The following ACTN4 variants were observed in gnomAD, a reference collection of about 807,000 sequenced individuals.
ACTN4 encodes the protein actinin alpha 4.
In ACTN4, 18 loss-of-function variants were observed where a neutral mutation model predicts 114.2. The observed-to-expected ratio is 0.16, with a 90% CI of 0.11 to 0.23. ACTN4 has a LOEUF of 0.23. Among genes scored for constraint, ACTN4 ranks in the 10% least tolerant of loss-of-function variants. ACTN4 has a pLI of 1.00. For missense variants in ACTN4, 722 were observed against 1,262.9 expected (o/e 0.57, Z 6.49); for synonymous variants, 515 against 506.3 (o/e 1.02, Z -0.23).
chr19:38,661,854 G>A (rs1185188973), intron 1 of ACTN4, among the ~76,000 whole-genome samples: 2 of 152,112 alleles, frequency 1.3e-5, no homozygotes, highest in African/African-American at 4.8e-5. Context: ...GGGTTTCACC[G>A]TGTTAACCAG....
At chr19:38,671,301 A>G (rs1392226159) in intron 1 of ACTN4, among the ~76,000 whole-genome samples, 1 of 152,218 alleles carries the variant, frequency 6.6e-6, no homozygotes, top group African/African-American at 2.4e-5. Flanking sequence ...GAACCAAAAT[A>G]GTGGAAAGTT....
At position 38,673,517 on chromosome 19, in the gene ACTN4, T is replaced by TCATATATATTTATATATATGAA. The variant is rs1555826155; in HGVS notation, c.162+25610_162+25611insCATATATATTTATATATATGAA. ...TATATTTATATATATGAATATATAT[T>TCATATATATTTATATATATGAA]TATATATATTCATATATACTTATAT... On this transcript the variant is annotated intron_variant, in intron 1 of 20. Coordinates refer to ENST00000252699, the MANE Select transcript of ACTN4 (RefSeq NM_004924.6). 6.1e-4 allele frequency among the ~76,000 whole-genome samples: 49 copies of TCATATATATTTATATATATGAA among 80,362 alleles called. 1 individual carries two copies. Among genetic ancestry groups the TCATATATATTTATATATATGAA allele is most frequent in the Non-Finnish European group, 4.9e-4 (19 of 38,950 alleles). 52.7% of individuals were successfully genotyped at this position (80,362 alleles called of 152,430 possible).
intron 1 of ACTN4, among the ~76,000 whole-genome samples, chr19:38,660,253 C>T (rs1283803538): frequency 2.0e-5 from 3 of 152,124 alleles, no homozygotes; most frequent in Admixed American, 6.5e-5. Context: ...CTATCACAGG[C>T]TGGTGGGGGA....
chr19:38,725,788 A>T lies in ACTN4; in HGVS notation c.2075A>T (p.Gln692Leu), dbSNP rs949944891. Residue 692 changes from glutamine (Q) to leucine (L), a missense_variant, in exon 17 of 21, where the codon CAG (glutamine) becomes CTG (leucine). Gln to Leu is a moderately radical substitution (Grantham distance 113, BLOSUM62 -2). This residue lies in a region of ACTN4 where 523 missense variants were observed against 875.9 expected (regional missense o/e 0.60). Coordinates refer to ENST00000252699, the MANE Select transcript of ACTN4 (RefSeq NM_004924.6). Reference sequence around the variant, plus strand: ...GAGGACCAGCTGAGCCACCTGAAGCAGTATGAACGCAGCATCGTGGACTAC... The same window carrying T: ...GAGGACCAGCTGAGCCACCTGAAGCTGTATGAACGCAGCATCGTGGACTAC... The part of the protein sequence containing the change: ...TLEDQLSHLK[Q>L]YERSIVDYKP... The T allele has an allele frequency of 6.8e-6, 11 of 1,614,088 alleles. No individual in the cohort carries two copies. Among genetic ancestry groups the T allele is most frequent in the African/African-American group, 2.7e-5 (2 of 74,950 alleles).
At chr19:38,695,927 G>A (rs1233552503) in intron 1 of ACTN4, among the ~76,000 whole-genome samples, 1 of 152,060 alleles carries the variant, frequency 6.6e-6, no homozygotes, top group Non-Finnish European at 1.5e-5. Context: ...CCAGCACCTG[G>A]CTTTAAACCC....
At position 38,680,212 on chromosome 19, in the gene ACTN4, GTTT is replaced by G. The variant is rs75920199; in HGVS notation, c.163-20357_163-20355del. ...CCTGTCCATAGCTGGAGCTCAGGAA[GTTT>G]TTTTTTTTTTTTTTTTTTTTTTTTT... On this transcript the variant is annotated intron_variant, in intron 1 of 20. Transcript: ENST00000252699. Among the ~76,000 whole-genome samples the G allele has an allele frequency of 8.6e-3, 1,073 of 124,198 alleles. 19 individuals are homozygous for G. Among genetic ancestry groups the G allele is most frequent in the African/African-American group, 0.034 (1,012 of 29,524 alleles). 81.5% of individuals were successfully genotyped at this position (124,198 alleles called of 152,430 possible).
intron 4 of ACTN4, among the ~76,000 whole-genome samples, chr19:38,705,689 T>C (rs1438359836): frequency 6.6e-6 from 1 of 152,236 alleles, no homozygotes; most frequent in Admixed American, 6.5e-5. Flanking sequence ...ATCAAGGGCC[T>C]GTCTGCAGTG....
chr19:38,717,890 C>G lies in ACTN4; in HGVS notation c.1144-37C>G. On this transcript the variant is annotated intron_variant, in intron 10 of 20. Transcript: ENST00000252699. This position sits in a 1 kb window ranked among gnomAD's most constrained non-coding sequence, Gnocchi z 4.0. ...GACATCCCCCTGGGTGCCTCCACTTCCTTGTGATAGCCCTGCCTGCTCCTG... is the reference window on the plus strand; with the variant it reads ...GACATCCCCCTGGGTGCCTCCACTTGCTTGTGATAGCCCTGCCTGCTCCTG... 1 of 1,563,860 alleles carries G rather than the reference C, an allele frequency of 6.4e-7. No individual in the cohort carries two copies. The highest frequency in any genetic ancestry group is 1.2e-5 in the South Asian group (1 of 85,076).
At chr19:38,728,495 G>A (rs978331408) in intron 19 of ACTN4, 41 of 723,512 alleles carry the variant, frequency 5.7e-5, no homozygotes, top group Non-Finnish European at 7.9e-5. Flanking sequence ...CCTCGTCCTC[G>A]GGGACACTCC....
At chr19:38,729,189 G>C in intron 20 of ACTN4, 35 bp downstream of exon 20, 1 of 1,612,798 alleles carries the variant, frequency 6.2e-7, no homozygotes, top group Non-Finnish European at 8.5e-7. Context: ...ATGGGGGCTG[G>C]CGAGAGGGGT....
intron 1 of ACTN4, among the ~76,000 whole-genome samples, chr19:38,699,734 GACAGAGCGAGACTCCTTCTCAAAA>G (rs546434256): frequency 3.5e-4 from 53 of 150,004 alleles, no homozygotes; most frequent in African/African-American, 1.3e-3. Context: ...CAGCCTGGGT[GACAGAGCGAGACTCCTTCTCAAAA>G]AAAAAAAAAG....
chr19:38,666,030 C>T (rs1420131241), intron 1 of ACTN4, among the ~76,000 whole-genome samples: 2 of 152,120 alleles, frequency 1.3e-5, no homozygotes, highest in African/African-American at 4.8e-5. Context: ...CCAAGAGGTG[C>T]ACAGGAGCCT....
intron 8 of ACTN4, among the ~76,000 whole-genome samples, chr19:38,711,562 A>T (rs1483895889): frequency 1.3e-5 from 2 of 152,184 alleles, no homozygotes; most frequent in Admixed American, 1.3e-4. Flanking sequence ...GCCTGTGCTG[A>T]GGAGTCACAG....
At position 38,731,459 on chromosome 19, in the gene ACTN4, C is replaced by T. The variant is rs753119700; in HGVS notation, c.*2027C>T. On this transcript the variant is annotated 3_prime_UTR_variant, in exon 21 of 21. Transcript: ENST00000252699. ...ATAGGGTGTGTGAAGACAGAACGCT[C>T]AGGACAGCGTCTGACACGTGACTCG... 2.6e-5 allele frequency: 15 copies of T among 572,608 alleles called. No individual in the cohort carries two copies. The highest frequency in any genetic ancestry group is 4.4e-5 in the Non-Finnish European group (14 of 317,490). The allele number at this position is 572,608 out of a possible 1,614,324, so 35.5% of individuals were successfully genotyped here. A position where few individuals can be genotyped will look rare whatever the true frequency, so the allele number is the denominator to read the frequency against.
In ACTN4 at chr19:38,717,462, G is replaced by A. The variant is rs560618439; in HGVS notation, c.1143+146G>A. 4.1e-5 allele frequency: 47 copies of A among 1,150,446 alleles called. No homozygotes were observed. In the Admixed American group the frequency reaches 9.7e-4, roughly 24 times the overall value. 71.3% of individuals were successfully genotyped at this position (1,150,446 alleles called of 1,614,324 possible). ...TGGCCTTTCGGATGCAGTGGTCGGGGAGGGGTGCACTTCACTCGGCATTGT... is the reference window on the plus strand; with the variant it reads ...TGGCCTTTCGGATGCAGTGGTCGGGAAGGGGTGCACTTCACTCGGCATTGT... On this transcript the variant is annotated intron_variant, in intron 10 of 20. Transcript: ENST00000252699. This position sits in a 1 kb window ranked among gnomAD's most constrained non-coding sequence, Gnocchi z 4.0.
In ACTN4 at chr19:38,731,146, G is replaced by C; in HGVS notation, c.*1714G>C. 6.2e-7 allele frequency: 1 copy of C among 1,612,936 alleles called. No homozygotes were observed. The highest frequency in any genetic ancestry group is 8.5e-7 in the Non-Finnish European group (1 of 1,179,918). On this transcript the variant is annotated 3_prime_UTR_variant, in exon 21 of 21. Coordinates refer to ENST00000252699, the MANE Select transcript of ACTN4 (RefSeq NM_004924.6). Reference sequence around the variant, plus strand: ...AGGTGGGCCACACAGGACACGAACCGCTCGAAGTCCACACGCAGACGGCTA... The same window carrying C: ...AGGTGGGCCACACAGGACACGAACCCCTCGAAGTCCACACGCAGACGGCTA...
chr19:38,720,259 C>A (rs529692753), intron 11 of ACTN4, among the ~76,000 whole-genome samples: 2 of 152,208 alleles, frequency 1.3e-5, no homozygotes, highest in Non-Finnish European at 2.9e-5. Context: ...TACGACCAAC[C>A]CCGAACGACC....
chr19:38,699,152 GGCGT>G (rs1347010818), intron 1 of ACTN4, among the ~76,000 whole-genome samples: 2 of 152,176 alleles, frequency 1.3e-5, no homozygotes, highest in Non-Finnish European at 2.9e-5. Flanking sequence ...AAGGCGCCTG[GGCGT>G]GTTGGTGTTA....
Position 38,728,998 on chromosome 19 carries a change from T to G in ACTN4, c.2421T>G (p.Gly807=). 6.2e-7 allele frequency: 1 copy of G among 1,612,660 alleles called. No individual in the cohort carries two copies. Among genetic ancestry groups the G allele is most frequent in the Non-Finnish European group, 8.5e-7 (1 of 1,179,938 alleles). Residue 807 remains glycine, a splice_region_variant and synonymous_variant, in exon 20 of 21, where the codon GGT becomes GGG. Coordinates refer to ENST00000252699, the MANE Select transcript of ACTN4 (RefSeq NM_004924.6). ...LGYDVENDRQ[G]EAEFNRIMSL... is the part of the protein sequence containing the mutation. ...CCCACCCCACCCTCTCCTTGCAGGG[T>G]GAGGCCGAGTTCAACCGCATCATGA...
Sources: gnomAD v4.1 joint callset for allele counts (sites outside exome capture counted in the v4.1 genomes callset) on GRCh38, gnomAD v4.1.1 for gene constraint, gnomAD v4.1.1 regional missense constraint, Gnocchi (gnomAD v3.1) non-coding constraint, MANE v1.5 for transcripts, NCBI Gene and HGNC (gene_info 2026-07-23, HGNC 2026-07-21) for gene names.